The following ADAM18 variants were observed in gnomAD, a reference collection of about 807,000 sequenced individuals.
ADAM18 encodes the protein ADAM metallopeptidase domain 18, also known as disintegrin and metalloproteinase domain-containing protein 18.
A neutral mutation model predicts 94.4 loss-of-function variants in ADAM18; 117 were observed. That is an observed-to-expected ratio of 1.24 (90% CI 1.07 to 1.45). The LOEUF (loss-of-function observed/expected upper bound fraction) is 1.45, where lower values mean the gene tolerates loss of function less well. ADAM18 is among the 40% of genes most tolerant of loss of function. ADAM18 has a pLI of 0.00. For missense variants in ADAM18, 936 were observed against 880.0 expected (o/e 1.06, Z -0.81); for synonymous variants, 327 against 291.6 (o/e 1.12, Z -1.24).
intron 17 of ADAM18, among the ~76,000 whole-genome samples, chr8:39,703,773 G>C (rs539304215): frequency 1.8e-4 from 27 of 151,964 alleles, no homozygotes; most frequent in African/African-American, 6.3e-4. Flanking sequence ...ACCAATTCAG[G>C]AGTTTATTTT....
intron 19 of ADAM18, among the ~76,000 whole-genome samples, chr8:39,724,281 TAA>T (rs1279794882): frequency 6.6e-6 from 1 of 151,812 alleles, no homozygotes. Context: ...TGTTCTTTAT[TAA>T]GTCATGTTTG....
intron 6 of ADAM18, among the ~76,000 whole-genome samples, chr8:39,628,609 A>G (rs1202044867): frequency 6.6e-6 from 1 of 152,050 alleles, no homozygotes; most frequent in Non-Finnish European, 1.5e-5. Context: ...TGCAGATTCA[A>G]CACCCTCTTT....
rs780254531 is a variant in ADAM18 at position 39,584,580 on chromosome 8, C to T, written c.-43C>T. The T allele has an allele frequency of 8.1e-6, 13 of 1,607,778 alleles. No homozygotes were observed. In the Admixed American group the frequency reaches 2.0e-4, roughly 25 times the overall value. ...TGCCCGCGAGCTCAACGCTGCTCAA[C>T]GGTCTCTGTCCTTGGCTGTGGCTCC... On this transcript the variant is annotated 5_prime_UTR_variant, in exon 1 of 20. The change creates a new upstream start codon in the 5' untranslated region. Transcript: ENST00000265707.
At chr8:39,629,297 G>T in intron 6 of ADAM18, 77 bp from the exon 7 acceptor site, 1 of 1,139,192 alleles carries the variant, frequency 8.8e-7, no homozygotes, top group Non-Finnish European at 1.2e-6. Flanking sequence ...ATTTTTCGCT[G>T]TCTTTACATG....
At chr8:39,600,178 A>AAAC (rs1254930857) in intron 2 of ADAM18, among the ~76,000 whole-genome samples, 1 of 152,176 alleles carries the variant, frequency 6.6e-6, no homozygotes, top group Admixed American at 6.5e-5. Context: ...AAAGGTCTGT[A>AAAC]AACTTTCTTT....
intron 14 of ADAM18, among the ~76,000 whole-genome samples, chr8:39,673,885 G>C (rs1462558407): frequency 6.6e-6 from 1 of 152,144 alleles, no homozygotes; most frequent in Admixed American, 6.5e-5. Flanking sequence ...TATTTACCCA[G>C]TAGTCATTCA....
intron 18 of ADAM18, among the ~76,000 whole-genome samples, chr8:39,713,431 T>C (rs1180647458): frequency 6.6e-6 from 1 of 152,082 alleles, no homozygotes; most frequent in Non-Finnish European, 1.5e-5. Flanking sequence ...AAAGCCAAAA[T>C]AGACAAATTG....
chr8:39,607,774 G>C (rs59498534), intron 3 of ADAM18, among the ~76,000 whole-genome samples: 1 of 144,566 alleles, frequency 6.9e-6, no homozygotes, highest in Non-Finnish European at 1.5e-5. Context: ...CTCATCTCTC[G>C]AATCTTAGAG....
intron 7 of ADAM18, among the ~76,000 whole-genome samples, chr8:39,633,288 T>C (rs1819983122): frequency 6.6e-6 from 1 of 152,216 alleles, no homozygotes; most frequent in Admixed American, 6.5e-5. Context: ...GAAATAGTTT[T>C]GGTACCTGGC....
intron 12 of ADAM18, among the ~76,000 whole-genome samples, chr8:39,656,844 C>G (rs34615733): frequency 0.38 from 58,493 of 152,004 alleles, 13,687 homozygotes; most frequent in Non-Finnish European, 0.52. Flanking sequence ...AAATGCAGAT[C>G]AAAAGCATAA....
chr8:39,635,996 A>G (rs1315832580), intron 7 of ADAM18, among the ~76,000 whole-genome samples: 1 of 147,598 alleles, frequency 6.8e-6, no homozygotes, highest in African/African-American at 2.5e-5. Flanking sequence ...ATCTGTAACC[A>G]TTAAGTTTTT....
At chr8:39,590,080 A>C (rs977876098) in intron 2 of ADAM18, among the ~76,000 whole-genome samples, 1 of 150,964 alleles carries the variant, frequency 6.6e-6, no homozygotes, top group African/African-American at 2.4e-5. Flanking sequence ...CCATCCCATT[A>C]CTGGGTATAT....
At chr8:39,703,442 C>A (rs927641193) in intron 17 of ADAM18, among the ~76,000 whole-genome samples, 1 of 151,944 alleles carries the variant, frequency 6.6e-6, no homozygotes, top group East Asian at 1.9e-4. Flanking sequence ...GAATAATTTA[C>A]CTTCCTTTCT....
intron 18 of ADAM18, among the ~76,000 whole-genome samples, chr8:39,714,302 T>A (rs1822506826): frequency 6.6e-6 from 1 of 152,024 alleles, no homozygotes; most frequent in South Asian, 2.1e-4. Flanking sequence ...GATGGGGGAC[T>A]GGGTGAGGGA....
chr8:39,667,427 G>A (rs28758949), intron 13 of ADAM18, among the ~76,000 whole-genome samples: 10,249 of 149,660 alleles, frequency 0.068, 1,060 homozygotes, highest in African/African-American at 0.22. Context: ...AAAAGATGCT[G>A]ATATGATGAT....
chr8:39,663,958 A>G, intron 13 of ADAM18, 68 bp downstream of exon 13: 6 of 977,376 alleles, frequency 6.1e-6, no homozygotes, highest in Non-Finnish European at 3.1e-6. Flanking sequence ...AACTGAATCA[A>G]TGTGCAATTA....
At chr8:39,593,141 T>C (rs896049660) in intron 2 of ADAM18, among the ~76,000 whole-genome samples, 4 of 152,204 alleles carry the variant, frequency 2.6e-5, no homozygotes, top group African/African-American at 9.6e-5. Flanking sequence ...TTCATAGAAA[T>C]GAAGAAAGTT....
chr8:39,682,382 TGAAA>T (rs1343801444), intron 16 of ADAM18, among the ~76,000 whole-genome samples: 2 of 152,094 alleles, frequency 1.3e-5, no homozygotes, highest in African/African-American at 4.8e-5. Context: ...GAATACAAAA[TGAAA>T]GGAGGCTATC....
At position 39,692,705 on chromosome 8, in the gene ADAM18, G is replaced by T. The variant is rs199793952; in HGVS notation, c.1902+25G>T. ...GGTAAGTCACTTTTGTATCTGAATT[G>T]CATGTTATTCTTGTGGGTAATTCAA... On this transcript the variant is annotated intron_variant, in intron 17 of 19. Coordinates refer to ENST00000265707, the MANE Select transcript of ADAM18 (RefSeq NM_014237.3). 8.4e-6 allele frequency: 13 copies of T among 1,541,056 alleles called. No individual in the cohort carries two copies. The East Asian group carries it at 3.0e-4, about 35-fold the overall frequency.
Sources: gnomAD v4.1 joint callset for allele counts (sites outside exome capture counted in the v4.1 genomes callset) on GRCh38, gnomAD v4.1.1 for gene constraint, MANE v1.5 for transcripts, NCBI Gene and HGNC (gene_info 2026-07-23, HGNC 2026-07-21) for gene names.